STK3: variants seen among roughly 807,000 people sequenced by gnomAD.
The protein encoded by STK3 is serine/threonine kinase 3.
In STK3, 41 loss-of-function variants were observed where a neutral mutation model predicts 58.0. The observed-to-expected ratio is 0.71, with a 90% confidence interval of 0.55 to 0.92. The LOEUF is 0.92. Ranked by LOEUF, STK3 falls within the 40% of genes least tolerant of loss-of-function variation. STK3 has a pLI of 0.00. For synonymous variants in STK3, 170 were observed against 191.0 expected, an observed-to-expected ratio of 0.89 and a Z score of 0.91; for missense variants, 479 against 602.7, an observed-to-expected ratio of 0.79 and a Z score of 2.15.
At chr8:98,938,551 G>A (rs1341719007) in intron 1 of STK3, among the ~76,000 whole-genome samples, 4 of 152,214 alleles carry the variant, frequency 2.6e-5, no homozygotes, top group Non-Finnish European at 5.9e-5. Flanking sequence ...GCAGATTGAG[G>A]CAGCAGGAAG....
At chr8:98,370,067 G>A (rs35961136), downstream of STK3, among the ~76,000 whole-genome samples, 4 of 149,630 alleles carry the variant, frequency 2.7e-5, no homozygotes, top group Admixed American at 2.7e-4. Flanking sequence ...CTCACAGTCA[G>A]ACATCAAAAA....
At chr8:98,500,624 C>A (rs1265601673) in intron 10 of STK3, among the ~76,000 whole-genome samples, 1 of 151,762 alleles carries the variant, frequency 6.6e-6, no homozygotes, top group Non-Finnish European at 1.5e-5. Context: ...GCTTTTGGTG[C>A]TTTAGTCATA....
intron 4 of STK3, among the ~76,000 whole-genome samples, chr8:98,718,747 TAGTA>T (rs1009988065): frequency 3.3e-4 from 50 of 152,182 alleles, no homozygotes; most frequent in African/African-American, 1.1e-3. Flanking sequence ...ATGTTTAATA[TAGTA>T]AGTATTAAAT....
chr8:98,795,796 A>AAATAC (rs58299814), intron 1 of STK3, among the ~76,000 whole-genome samples: 9,659 of 137,704 alleles, frequency 0.07, 743 homozygotes, highest in African/African-American at 0.075. Context: ...AATGGCCACA[A>AAATAC]AATACAATAC....
At chr8:98,397,828 C>T (rs1169974467), downstream of STK3, among the ~76,000 whole-genome samples, 9 of 152,162 alleles carry the variant, frequency 5.9e-5, no homozygotes, top group Non-Finnish European at 1.3e-4. Flanking sequence ...CAGTTGCCCG[C>T]TTGTTCTCTG....
intron 6 of STK3, among the ~76,000 whole-genome samples, chr8:98,641,149 C>A (rs1367458969): frequency 1.3e-5 from 2 of 152,112 alleles, no homozygotes; most frequent in African/African-American, 4.8e-5. Flanking sequence ...CTAGTGGCTA[C>A]TAACATACAA....
chr8:98,564,273 G>C lies in STK3; in HGVS notation c.948+15391C>G, dbSNP rs914118819. Among the ~76,000 whole-genome samples, 37 of 152,088 alleles carry C rather than the reference G, an allele frequency of 2.4e-4. 1 individual carries two copies. The highest frequency in any genetic ancestry group is 1.5e-4 in the Non-Finnish European group (10 of 68,006). On this transcript the variant is annotated intron_variant, in intron 8 of 10. Coordinates refer to ENST00000419617, the MANE Select transcript of STK3 (RefSeq NM_006281.4). The stretch of plus-strand genomic sequence containing the variant: ...ACCAAAAACAAGGACATTCCGAGAG[G>C]CTGCGACATCATGAACCCTTTCTGT...
At chr8:98,755,236 C>G (rs781174104) in intron 3 of STK3, among the ~76,000 whole-genome samples, 1 of 152,208 alleles carries the variant, frequency 6.6e-6, no homozygotes, top group Non-Finnish European at 1.5e-5. Context: ...CTACTCGGGC[C>G]AGGCATTTCA....
At chr8:98,931,601 G>A (rs1278814344) in intron 1 of STK3, among the ~76,000 whole-genome samples, 1 of 152,220 alleles carries the variant, frequency 6.6e-6, no homozygotes, top group Non-Finnish European at 1.5e-5. Context: ...TGAGGTAACA[G>A]TGAACAGCCA....
At chr8:98,685,080 T>C (rs545928803) in intron 6 of STK3, among the ~76,000 whole-genome samples, 2 of 152,288 alleles carry the variant, frequency 1.3e-5, no homozygotes, top group African/African-American at 4.8e-5. Context: ...CAATCATTAA[T>C]AAATCAATTT....
At chr8:98,507,255 C>G (rs1365549919) in intron 10 of STK3, among the ~76,000 whole-genome samples, 1 of 152,114 alleles carries the variant, frequency 6.6e-6, no homozygotes, top group South Asian at 2.1e-4. Flanking sequence ...TTTGGTATGC[C>G]CACCTGGATG....
chr8:98,810,441 G>GT lies in STK3; in HGVS notation c.26+15073dup, dbSNP rs796961403. ...TCACCAACACCTGTGATTTTCTGCT[G>GT]TTTTTTTTTTTAATAATAGTCATCC... On this transcript the variant is annotated intron_variant, in intron 1 of 10. Coordinates refer to ENST00000419617, the MANE Select transcript of STK3 (RefSeq NM_006281.4). 4.0e-3 allele frequency among the ~76,000 whole-genome samples: 583 copies of GT among 145,374 alleles called. 2 individuals carry two copies. Among genetic ancestry groups the GT allele is most frequent in the Middle Eastern group, 0.01 (3 of 286 alleles).
At chr8:98,479,631 A>G (rs1018521933) in intron 10 of STK3, among the ~76,000 whole-genome samples, 1 of 152,184 alleles carries the variant, frequency 6.6e-6, no homozygotes, top group African/African-American at 2.4e-5. Flanking sequence ...AAGTCTCTAA[A>G]GAATGAACAA....
chr8:98,941,179 C>T (rs1427121921), intron 1 of STK3, among the ~76,000 whole-genome samples: 2 of 152,342 alleles, frequency 1.3e-5, no homozygotes, highest in Middle Eastern at 6.8e-3. Context: ...CTGCGCTTTC[C>T]CACCTCAGCC....
At chr8:98,671,079 A>G (rs1822797517) in intron 6 of STK3, among the ~76,000 whole-genome samples, 1 of 152,234 alleles carries the variant, frequency 6.6e-6, no homozygotes, top group Non-Finnish European at 1.5e-5. Flanking sequence ...TGTTAAAGGA[A>G]AAGTCAATAT....
At chr8:98,824,820 G>A (rs1204102339) in intron 1 of STK3, among the ~76,000 whole-genome samples, 1 of 152,134 alleles carries the variant, frequency 6.6e-6, no homozygotes, top group African/African-American at 2.4e-5. Context: ...TATTTTATAA[G>A]TTAAAAATGA....
At chr8:98,484,139 G>GTCTTTAAGTATTAAA (rs1822063019) in intron 10 of STK3, among the ~76,000 whole-genome samples, 1 of 64,458 alleles carries the variant, frequency 1.6e-5, no homozygotes, top group Non-Finnish European at 3.5e-5. Flanking sequence ...AGTCCACTAA[G>GTCTTTAAGTATTAAA]TAGACTTAGA....
At chr8:98,731,701 C>T (rs575246004) in intron 4 of STK3, among the ~76,000 whole-genome samples, 6 of 141,926 alleles carry the variant, frequency 4.2e-5, no homozygotes, top group South Asian at 2.2e-4. Context: ...CCAGCCTGGG[C>T]GACAGAGTGA....
intron 3 of STK3, chr8:98,429,055 C>A: frequency 6.2e-7 from 1 of 1,613,090 alleles, no homozygotes. Flanking sequence ...GAGGGCCTGG[C>A]CACCATCCCT....
Sources: gnomAD v4.1 joint callset for allele counts (sites outside exome capture counted in the v4.1 genomes callset) on GRCh38, gnomAD v4.1.1 for gene constraint, MANE v1.5 for transcripts, NCBI Gene and HGNC (gene_info 2026-07-23, HGNC 2026-07-21) for gene names.